The following TSC22D1 variants were observed in gnomAD, a reference collection of about 807,000 sequenced individuals.
The protein encoded by TSC22D1 is TSC22 domain family member 1.
A neutral mutation model predicts 74.2 loss-of-function variants in TSC22D1; 9 were observed. The ratio of observed to expected loss-of-function variants is 0.12; its 90% CI spans 0.07 to 0.21. The LOEUF (loss-of-function observed/expected upper bound fraction) is 0.21, where lower values mean the gene tolerates loss of function less well. Ranked by LOEUF, TSC22D1 falls within the 10% of genes least tolerant of loss-of-function variation. The pLI is 1.00. For missense variants in TSC22D1, 1,427 were observed against 1,304.7 expected, an observed-to-expected ratio of 1.09 and a Z score of -1.44; for synonymous variants, 586 against 492.5, an observed-to-expected ratio of 1.19 and a Z score of -2.51.
chr13:44,447,833 C>CTTTTTTT (rs5803260), intron 1 of TSC22D1, among the ~76,000 whole-genome samples: 12 of 129,428 alleles, frequency 9.3e-5, no homozygotes, highest in Non-Finnish European at 9.6e-5. Flanking sequence ...AATGCCTTTT[C>CTTTTTTT]TTTTTTTTTT....
intron 1 of TSC22D1, among the ~76,000 whole-genome samples, chr13:44,562,797 G>A (rs1468552746): frequency 6.6e-6 from 1 of 152,124 alleles, no homozygotes; most frequent in African/African-American, 2.4e-5. Flanking sequence ...TTTCAGATAT[G>A]GATAAACTCT....
chr13:44,525,241 T>C (rs1467812090), intron 1 of TSC22D1, among the ~76,000 whole-genome samples: 1 of 152,160 alleles, frequency 6.6e-6, no homozygotes, highest in Non-Finnish European at 1.5e-5. Flanking sequence ...CTCATCTTAC[T>C]ACAATCAACA....
At chr13:44,440,764 C>T (rs1433380017) in intron 1 of TSC22D1, among the ~76,000 whole-genome samples, 1 of 151,960 alleles carries the variant, frequency 6.6e-6, no homozygotes, top group African/African-American at 2.4e-5. Context: ...AATGAGATGA[C>T]CAAATGCCCA....
intron 1 of TSC22D1, among the ~76,000 whole-genome samples, chr13:44,501,121 A>C (rs530821137): frequency 3.9e-5 from 6 of 152,346 alleles, no homozygotes; most frequent in African/African-American, 1.4e-4. Flanking sequence ...CGAAAAGAAT[A>C]GTGATTTGGG....
At chr13:44,453,797 T>C (rs1387088626) in intron 1 of TSC22D1, among the ~76,000 whole-genome samples, 1 of 152,242 alleles carries the variant, frequency 6.6e-6, no homozygotes, top group African/African-American at 2.4e-5. Context: ...ATATCTAAAA[T>C]ATACAGATTT....
chr13:44,487,728 T>C (rs1400878032), intron 1 of TSC22D1, among the ~76,000 whole-genome samples: 2 of 151,906 alleles, frequency 1.3e-5, no homozygotes, highest in African/African-American at 2.4e-5. Context: ...AATAAATTTC[T>C]TGTTAAGAAG....
At chr13:44,435,865 C>T (rs1874561501) in intron 2 of TSC22D1, 179 bp downstream of exon 2, 2 of 674,258 alleles carry the variant, frequency 3.0e-6, no homozygotes. Context: ...CCCCTTTCTC[C>T]CTCCACGGCT....
chr13:44,527,836 G>T lies in TSC22D1; in HGVS notation c.2912+45327C>A, dbSNP rs1410775483. ...ATTTTAAATATAAAAACACATAGAGGTTAAAAGTAAAAGGATAGGGACAGA... is the reference window on the plus strand; with the variant it reads ...ATTTTAAATATAAAAACACATAGAGTTTAAAAGTAAAAGGATAGGGACAGA... On this transcript the variant is annotated intron_variant, in intron 1 of 2. Coordinates refer to ENST00000458659, the MANE Select transcript of TSC22D1 (RefSeq NM_183422.4). Among the ~76,000 whole-genome samples, 3 of 151,968 alleles carry T rather than the reference G, an allele frequency of 2.0e-5. No individual in the cohort carries two copies. The East Asian group carries it at 5.8e-4, about 29-fold the overall frequency.
At chr13:44,536,925 T>TGAA (rs1881162252) in intron 1 of TSC22D1, 1 of 607,532 alleles carries the variant, frequency 1.6e-6, no homozygotes, top group African/African-American at 5.7e-5. Context: ...AGTATTTTTC[T>TGAA]GAAAAAAAAA....
chr13:44,450,397 A>C (rs1876026540), intron 1 of TSC22D1, among the ~76,000 whole-genome samples: 2 of 152,246 alleles, frequency 1.3e-5, no homozygotes, highest in African/African-American at 4.8e-5. Context: ...ATGAAGGTCC[A>C]CATAATAGGG....
intron 1 of TSC22D1, among the ~76,000 whole-genome samples, chr13:44,483,118 TTAA>T (rs1455120701): frequency 6.6e-6 from 1 of 152,216 alleles, no homozygotes; most frequent in Non-Finnish European, 1.5e-5. Flanking sequence ...ACGAATACAC[TTAA>T]TAATGTACGA....
intron 1 of TSC22D1, among the ~76,000 whole-genome samples, chr13:44,542,435 C>T (rs1052819780): frequency 1.3e-5 from 2 of 152,020 alleles, no homozygotes; most frequent in African/African-American, 4.8e-5. Flanking sequence ...TTATTTATCA[C>T]ACACCACAGT....
At chr13:44,475,752 T>G (rs1425392992) in intron 1 of TSC22D1, among the ~76,000 whole-genome samples, 1 of 152,118 alleles carries the variant, frequency 6.6e-6, no homozygotes, top group African/African-American at 2.4e-5. Context: ...GTCTGAATAG[T>G]CCTATATTGC....
intron 1 of TSC22D1, among the ~76,000 whole-genome samples, chr13:44,460,303 A>G (rs1212688794): frequency 1.3e-5 from 2 of 152,220 alleles, no homozygotes; most frequent in Non-Finnish European, 2.9e-5. Context: ...TAATATAAAA[A>G]GTATTATTAT....
intron 1 of TSC22D1, among the ~76,000 whole-genome samples, chr13:44,443,746 T>C (rs1352313257): frequency 6.6e-6 from 1 of 152,130 alleles, no homozygotes; most frequent in African/African-American, 2.4e-5. Context: ...CTACAATATG[T>C]AGATGTAAAA....
In TSC22D1 at chr13:44,477,373, T is replaced by G. The variant is rs371921368; in HGVS notation, c.2913-41278A>C. Among the ~76,000 whole-genome samples the G allele has an allele frequency of 9.2e-5, 14 of 152,350 alleles. No individual in the cohort carries two copies. The East Asian group carries it at 2.3e-3, about 25-fold the overall frequency. The stretch of plus-strand genomic sequence containing the variant: ...CATGGATCTTCCCAGATGGAATATA[T>G]TTAACAATAAAATACAATCACTGCA... On this transcript the variant is annotated intron_variant, in intron 1 of 2. Coordinates refer to ENST00000458659, the MANE Select transcript of TSC22D1 (RefSeq NM_183422.4).
At chr13:44,464,743 G>T (rs1481466231) in intron 1 of TSC22D1, among the ~76,000 whole-genome samples, 1 of 152,166 alleles carries the variant, frequency 6.6e-6, no homozygotes, top group Admixed American at 6.5e-5. Flanking sequence ...TATTTAACAA[G>T]ACCTAAAAGC....
intron 1 of TSC22D1, among the ~76,000 whole-genome samples, chr13:44,514,253 G>GA (rs941875240): frequency 1.9e-4 from 29 of 149,974 alleles, no homozygotes; most frequent in Non-Finnish European, 3.3e-4. Flanking sequence ...ATTTATGTAG[G>GA]AAAAAAAAAG....
Position 44,486,383 on chromosome 13 carries a change from T to C in TSC22D1, c.2913-50288A>G, listed in dbSNP as rs78657158. On this transcript the variant is annotated intron_variant, in intron 1 of 2. Coordinates refer to ENST00000458659, the MANE Select transcript of TSC22D1 (RefSeq NM_183422.4). Reference sequence around the variant, plus strand: ...TAAGACAAAATAAATCTAAGCAAAATGCATCATTAGGGTTAAAGAGAATCG... The same window carrying C: ...TAAGACAAAATAAATCTAAGCAAAACGCATCATTAGGGTTAAAGAGAATCG... Among the ~76,000 whole-genome samples the C allele has an allele frequency of 4.6e-3, 698 of 152,116 alleles. 4 individuals are homozygous for C. Among genetic ancestry groups the C allele is most frequent in the African/African-American group, 0.016 (663 of 41,524 alleles).
Sources: allele counts gnomAD v4.1 joint callset (sites outside exome capture counted in the v4.1 genomes callset), GRCh38; gene constraint gnomAD v4.1.1; transcripts MANE v1.5; gene names NCBI Gene and HGNC (gene_info 2026-07-23, HGNC 2026-07-21).